The following RAB6A variants were observed in gnomAD, a reference collection of about 807,000 sequenced individuals.
The protein encoded by RAB6A is RAB6A, member RAS oncogene family.
A neutral mutation model predicts 32.3 loss-of-function variants in RAB6A; 8 were observed. The ratio of observed to expected loss-of-function variants is 0.25; its 90% confidence interval spans 0.15 to 0.45. The LOEUF (loss-of-function observed/expected upper bound fraction) is 0.45. RAB6A is among the 20% of genes least tolerant of loss of function. The pLI, the probability that RAB6A is intolerant of heterozygous loss-of-function variation, is 1.00. For missense variants in RAB6A, 104 were observed against 249.4 expected (o/e 0.42, Z 3.93); for synonymous variants, 73 against 82.1 (o/e 0.89, Z 0.60).
intron 1 of RAB6A, among the ~76,000 whole-genome samples, chr11:73,738,152 ATT>A (rs1236177833): frequency 6.6e-6 from 1 of 151,958 alleles, no homozygotes; most frequent in Non-Finnish European, 1.5e-5. Context: ...TGTGAATGTT[ATT>A]TTTTATTTAT....
chr11:73,734,691 A>G (rs1946367095), intron 1 of RAB6A, among the ~76,000 whole-genome samples: 1 of 152,166 alleles, frequency 6.6e-6, no homozygotes, highest in Admixed American at 6.5e-5. Context: ...TCCTATGAGA[A>G]TCTAATGCCA....
intron 6 of RAB6A, among the ~76,000 whole-genome samples, chr11:73,692,788 C>CAA (rs140762210): frequency 0.13 from 12,702 of 97,860 alleles, 1,046 homozygotes; most frequent in African/African-American, 0.16. Flanking sequence ...ACTAAAAATA[C>CAA]AAAAAAAAAA....
intron 6 of RAB6A, among the ~76,000 whole-genome samples, chr11:73,682,799 G>A (rs1474369906): frequency 5.3e-5 from 8 of 152,156 alleles, no homozygotes; most frequent in Admixed American, 5.2e-4. Context: ...AAAGTGTTGG[G>A]ATTACAGATA....
chr11:73,708,484 T>G (rs2134922625), intron 5 of RAB6A, among the ~76,000 whole-genome samples: 1 of 151,922 alleles, frequency 6.6e-6, no homozygotes, highest in East Asian at 1.9e-4. Flanking sequence ...TGTGGATTTC[T>G]GTAAGTGAAG....
intron 6 of RAB6A, among the ~76,000 whole-genome samples, chr11:73,690,893 TA>T (rs34825000): frequency 8.4e-5 from 12 of 143,478 alleles, no homozygotes; most frequent in African/African-American, 7.6e-5. Flanking sequence ...TAGGAAACAT[TA>T]AAAAAAAAAA....
intron 1 of RAB6A, among the ~76,000 whole-genome samples, chr11:73,735,483 C>T (rs1223002293): frequency 6.6e-6 from 1 of 152,036 alleles, no homozygotes; most frequent in African/African-American, 2.4e-5. Flanking sequence ...ATAAAAAGTA[C>T]AAGAGCATGT....
chr11:73,734,138 GTTTTT>G (rs1696238972), intron 1 of RAB6A, among the ~76,000 whole-genome samples: 1 of 151,978 alleles, frequency 6.6e-6, no homozygotes, highest in South Asian at 2.1e-4. Context: ...GTTTTTGTTT[GTTTTT>G]GAGACGGGGT....
chr11:73,760,204 A>G (rs1946821929), intron 1 of RAB6A: 1 of 931,304 alleles, frequency 1.1e-6, no homozygotes, highest in Admixed American at 2.4e-5. Context: ...AGAGCAAGGA[A>G]TAAGGGTGGG....
rs373009890 is a variant in RAB6A, at chr11:73,679,531, A to G, written c.562+123T>C. On this transcript the variant is annotated intron_variant, in intron 7 of 7. Transcript: ENST00000336083. The stretch of plus-strand genomic sequence containing the variant: ...TGCTATAGAAAACAAATGAATTTCT[A>G]TGCCTTTAAGTCATCAGTTCCTGGT... 15 of 1,200,274 alleles carry G rather than the reference A, an allele frequency of 1.2e-5. No homozygotes were observed. The South Asian group carries it at 1.8e-4, about 14-fold the overall frequency. 74.4% of individuals were successfully genotyped at this position (1,200,274 alleles called of 1,614,324 possible).
chr11:73,736,995 A>AAG (rs1555066530), intron 1 of RAB6A, among the ~76,000 whole-genome samples: 3 of 149,522 alleles, frequency 2.0e-5, no homozygotes, highest in Non-Finnish European at 3.0e-5. Flanking sequence ...AAAAAAAAAA[A>AAG]AAGAAGAAAG....
intron 7 of RAB6A, among the ~76,000 whole-genome samples, chr11:73,678,758 T>C (rs2134856874): frequency 6.6e-6 from 1 of 150,812 alleles, no homozygotes; most frequent in African/African-American, 2.4e-5. Context: ...GGAGTTTCGA[T>C]CCTGTTGCCC....
At chr11:73,683,754 T>C (rs1013549584) in intron 6 of RAB6A, among the ~76,000 whole-genome samples, 5 of 152,068 alleles carry the variant, frequency 3.3e-5, no homozygotes, top group African/African-American at 9.7e-5. Flanking sequence ...GGTTTCACCA[T>C]GTTGGCCGGG....
In RAB6A at chr11:73,676,627, G is replaced by A. The variant is rs1284456584; in HGVS notation, c.*1271C>T. The A allele has an allele frequency of 1.2e-5, 2 of 166,938 alleles. No homozygotes were observed. The highest frequency in any genetic ancestry group is 2.4e-5 in the African/African-American group (1 of 41,416). The allele number at this position is 166,938 out of a possible 1,614,324, so 10.3% of individuals were successfully genotyped here. On this transcript the variant is annotated 3_prime_UTR_variant, in exon 8 of 8. Coordinates refer to ENST00000336083, the MANE Select transcript of RAB6A (RefSeq NM_198896.2). ...CCTGAAAGACCCAACCTTAAAAAAT[G>A]CTAAAAAATAAGGCATAAATCTGCA...
intron 1 of RAB6A, chr11:73,759,948 G>GTGTAGAT: frequency 2.0e-6 from 2 of 1,008,908 alleles, no homozygotes; most frequent in South Asian, 1.6e-5. Context: ...ACCACCCCAT[G>GTGTAGAT]CTCAAGTCGT....
At chr11:73,698,607 A>G (rs1343310352) in intron 6 of RAB6A, among the ~76,000 whole-genome samples, 1 of 152,096 alleles carries the variant, frequency 6.6e-6, no homozygotes, top group East Asian at 1.9e-4. Context: ...GACTCGTAGG[A>G]TTGTTACATA....
At chr11:73,709,864 T>C (rs565475202) in intron 5 of RAB6A, among the ~76,000 whole-genome samples, 2 of 147,156 alleles carry the variant, frequency 1.4e-5, no homozygotes, top group Non-Finnish European at 3.0e-5. Flanking sequence ...TATATACATA[T>C]ATACACATAT....
At chr11:73,718,380 T>G (rs367720493) in intron 4 of RAB6A, among the ~76,000 whole-genome samples, 30 of 152,290 alleles carry the variant, frequency 2.0e-4, no homozygotes, top group African/African-American at 6.3e-4. Flanking sequence ...TGAAGAGGAT[T>G]CATAGTTGGA....
chr11:73,689,161 T>C (rs1047980562), intron 6 of RAB6A, among the ~76,000 whole-genome samples: 13 of 152,174 alleles, frequency 8.5e-5, no homozygotes, highest in Middle Eastern at 3.4e-3. Context: ...CAGCCACCTA[T>C]GAGACTTCAT....
At chr11:73,731,727 TATATACAC>T (rs1271060437) in intron 1 of RAB6A, among the ~76,000 whole-genome samples, 332 of 8,386 alleles carry the variant, frequency 0.04, 20 homozygotes, top group African/African-American at 0.089. Context: ...TATATATATA[TATATACAC>T]ACACACACAC....
Sources: allele counts gnomAD v4.1 joint callset (sites outside exome capture counted in the v4.1 genomes callset), GRCh38; gene constraint gnomAD v4.1.1; transcripts MANE v1.5; gene names NCBI Gene and HGNC (gene_info 2026-07-23, HGNC 2026-07-21).